Variants in LOC131768270 observed in about 807,000 individuals in gnomAD.
the LOC131768270 span, chr5:140,566,757 G>T: frequency 8.4e-6 from 5 of 595,316 alleles, no homozygotes; most frequent in African/African-American, 3.7e-5. Context: ...CAAGGGGCCC[G>T]ACTAGCTCTA....
chr5:140,568,026 C>T, the LOC131768270 span: 23 of 1,613,874 alleles, frequency 1.4e-5, no homozygotes, highest in Admixed American at 5.0e-5. Flanking sequence ...GTGTCCTGCT[C>T]GCTGGTGGTC....
At chr5:140,567,636 A>C in the LOC131768270 span, 4 of 1,614,028 alleles carry the variant, frequency 2.5e-6, no homozygotes, top group Admixed American at 1.7e-5. Context: ...GGAGCCTGCT[A>C]TGCAGCAGGG....
the LOC131768270 span, chr5:140,567,662 GGGAACACCCTTCCCA>G: frequency 6.2e-7 from 1 of 1,614,004 alleles, no homozygotes; most frequent in South Asian, 1.1e-5. Flanking sequence ...TCAAGTTCCC[GGGAACACCCTTCCCA>G]GTCCCCCTCC....
the LOC131768270 span, chr5:140,568,589 A>C: frequency 4.6e-6 from 1 of 217,562 alleles, no homozygotes; most frequent in Non-Finnish European, 1.0e-5. Context: ...ATGGTGCATG[A>C]CTCTTCCATA....
At chr5:140,565,106 C>T in the LOC131768270 span, 1 of 394,404 alleles carries the variant, frequency 2.5e-6, no homozygotes, top group Non-Finnish European at 4.5e-6. Flanking sequence ...CTAGCACAGA[C>T]TCAAAAACAT....
the LOC131768270 span, chr5:140,565,147 T>G: frequency 2.7e-6 from 1 of 365,652 alleles, no homozygotes; most frequent in Non-Finnish European, 4.9e-6. Context: ...CTTTACCCCA[T>G]TCCCTAGCTC....
At chr5:140,566,425 TG>T in the LOC131768270 span, 1 of 397,962 alleles carries the variant, frequency 2.5e-6, no homozygotes, top group Non-Finnish European at 4.4e-6. Context: ...CCCAGAACCT[TG>T]GGAAAAATCT....
At chr5:140,567,183 A>G in the LOC131768270 span, 1 of 1,612,252 alleles carries the variant, frequency 6.2e-7, no homozygotes, top group Non-Finnish European at 8.5e-7. Flanking sequence ...AGTGTAGAGG[A>G]TGGGGGTATG....
the LOC131768270 span, chr5:140,566,473 CTGG>C: frequency 7.5e-6 from 3 of 399,874 alleles, no homozygotes; most frequent in African/African-American, 2.1e-5. Flanking sequence ...TGAGGAGGAG[CTGG>C]TGGTGGAATG....
chr5:140,564,842 A>G, the LOC131768270 span: 11 of 403,136 alleles, frequency 2.7e-5, no homozygotes, highest in African/African-American at 4.1e-5. This position sits in a 1 kb window ranked among gnomAD's most constrained non-coding sequence, Gnocchi z 5.0. Context: ...TCGGCGGGGA[A>G]GATGGCGGAT....
the LOC131768270 span, chr5:140,568,188 C>T: frequency 1.2e-5 from 19 of 1,612,738 alleles, no homozygotes; most frequent in African/African-American, 2.7e-5. Flanking sequence ...GTAGATTGGG[C>T]GCCACCACCA....
chr5:140,567,442 A>G, the LOC131768270 span: 1 of 1,614,120 alleles, frequency 6.2e-7, no homozygotes, highest in Non-Finnish European at 8.5e-7. Flanking sequence ...CCTTCGCACT[A>G]TCAGCCCTGC....
the LOC131768270 span, chr5:140,565,034 G>A: frequency 2.5e-6 from 1 of 398,056 alleles, no homozygotes; most frequent in Non-Finnish European, 4.4e-6. Flanking sequence ...AGCATTCGGC[G>A]AGGCGGGAGG....
At chr5:140,566,103 A>G in the LOC131768270 span, 24 of 396,076 alleles carry the variant, frequency 6.1e-5, no homozygotes, top group Admixed American at 5.3e-4. Flanking sequence ...CCTAAGGACA[A>G]TTTTTCTGAA....
the LOC131768270 span, chr5:140,568,447 C>T: frequency 7.0e-4 from 305 of 435,386 alleles, 1 homozygote; most frequent in African/African-American, 5.6e-3. Flanking sequence ...TAACCCCATC[C>T]TTGTTGGGCA....
At chr5:140,565,180 A>G in the LOC131768270 span, 1 of 338,292 alleles carries the variant, frequency 3.0e-6, no homozygotes, top group Non-Finnish European at 5.3e-6. Flanking sequence ...TCCCAGTGAC[A>G]CGATGTTTCC....
chr5:140,567,778 A>G, the LOC131768270 span: 1 of 1,614,066 alleles, frequency 6.2e-7, no homozygotes, highest in Non-Finnish European at 8.5e-7. Context: ...GCTTGTCGTC[A>G]GTGTACACAG....
At chr5:140,566,013 C>T in the LOC131768270 span, 3 of 398,832 alleles carry the variant, frequency 7.5e-6, no homozygotes, top group Non-Finnish European at 1.3e-5. Flanking sequence ...GGCTTTATTG[C>T]CCAACATGCT....
At chr5:140,567,636 A>G in the LOC131768270 span, 11 of 1,614,028 alleles carry the variant, frequency 6.8e-6, no homozygotes, top group African/African-American at 2.7e-5. Context: ...GGAGCCTGCT[A>G]TGCAGCAGGG....
Sources: allele counts gnomAD v4.1 joint callset, GRCh38; gene constraint gnomAD v4.1.1; non-coding constraint Gnocchi (gnomAD v3.1); transcripts MANE v1.5.